The following GALNT3 variants were observed in gnomAD, a reference collection of about 807,000 sequenced individuals.
GALNT3 encodes the protein GalNAc transferase 3.
In GALNT3, 51 loss-of-function variants were observed where a neutral mutation model predicts 69.8. The observed-to-expected ratio is 0.73, with a 90% CI of 0.58 to 0.92. The LOEUF (loss-of-function observed/expected upper bound fraction) is 0.92, where lower values mean the gene tolerates loss of function less well. Among genes scored for constraint, GALNT3 ranks in the 40% least tolerant of loss-of-function variants. GALNT3 has a pLI of 0.00. For synonymous variants in GALNT3, 265 were observed against 248.5 expected (o/e 1.07, Z -0.63); for missense variants, 711 against 760.0 (o/e 0.94, Z 0.76).
intron 1 of GALNT3, among the ~76,000 whole-genome samples, chr2:165,786,941 A>T (rs1351100553): frequency 6.6e-6 from 1 of 152,244 alleles, no homozygotes; most frequent in African/African-American, 2.4e-5. Flanking sequence ...ACTTATTATG[A>T]GAATAAATAT....
chr2:165,760,053 CCTT>C, intron 4 of GALNT3, among the ~76,000 whole-genome samples: 1 of 152,162 alleles, frequency 6.6e-6, no homozygotes, highest in African/African-American at 2.4e-5. Context: ...CAGATGATGA[CCTT>C]CTTTCTTCTA....
chr2:165,785,917 A>T (rs1237038293), intron 1 of GALNT3, among the ~76,000 whole-genome samples: 2 of 152,322 alleles, frequency 1.3e-5, no homozygotes, highest in Admixed American at 1.3e-4. Context: ...ATATATGGAA[A>T]CACTAAGCCA....
chr2:165,781,367 G>T (rs1303182388), intron 1 of GALNT3, among the ~76,000 whole-genome samples: 2 of 152,110 alleles, frequency 1.3e-5, no homozygotes, highest in African/African-American at 4.8e-5. Context: ...TACTGAGGTA[G>T]GCGAATTGCT....
chr2:165,785,727 G>C (rs1487996766), intron 1 of GALNT3, among the ~76,000 whole-genome samples: 1 of 152,112 alleles, frequency 6.6e-6, no homozygotes, highest in African/African-American at 2.4e-5. Flanking sequence ...GGCTCTATCA[G>C]AGATGTCAGC....
intron 7 of GALNT3, 43 bp downstream of exon 7, chr2:165,757,004 G>A (rs1187566084): frequency 6.8e-7 from 1 of 1,473,586 alleles, no homozygotes; most frequent in Non-Finnish European, 9.5e-7. Flanking sequence ...GTGTGAACTT[G>A]TTATAGATTT....
intron 1 of GALNT3, among the ~76,000 whole-genome samples, 167 bp from the exon 2 acceptor site, chr2:165,770,975 T>C (rs1195761754): frequency 6.6e-6 from 1 of 152,144 alleles, no homozygotes; most frequent in Non-Finnish European, 1.5e-5. Flanking sequence ...TGGAAGAAAA[T>C]AATTGTTACA....
chr2:165,766,919 A>G (rs950891130), intron 2 of GALNT3, among the ~76,000 whole-genome samples: 4 of 152,228 alleles, frequency 2.6e-5, no homozygotes, highest in Admixed American at 2.0e-4. Context: ...GAAGATGTCA[A>G]CAACAGATTA....
intron 7 of GALNT3, among the ~76,000 whole-genome samples, chr2:165,756,031 A>G (rs940436065): frequency 7.9e-5 from 12 of 152,200 alleles, no homozygotes; most frequent in Admixed American, 3.3e-4. Flanking sequence ...ACAGTACACA[A>G]TCTGCCCAAT....
chr2:165,759,635 G>T, intron 4 of GALNT3, 65 bp from the exon 5 acceptor site: 1 of 1,184,944 alleles, frequency 8.4e-7, no homozygotes, highest in African/African-American at 1.5e-5. Flanking sequence ...TAGTTATTTA[G>T]GTGAAGGTTT....
At chr2:165,755,330 TTCCCTACA>T in intron 7 of GALNT3, among the ~76,000 whole-genome samples, 1 of 152,168 alleles carries the variant, frequency 6.6e-6, no homozygotes, top group South Asian at 2.1e-4. Flanking sequence ...GCCACAAACA[TTCCCTACA>T]AGACAAAGAT....
chr2:165,785,004 C>A (rs977651399), intron 1 of GALNT3, among the ~76,000 whole-genome samples: 6 of 152,158 alleles, frequency 3.9e-5, no homozygotes, highest in Admixed American at 3.3e-4. Flanking sequence ...CCCCCTTTCT[C>A]CTTATCTCAT....
chr2:165,753,154 G>A (rs139163316), intron 9 of GALNT3, among the ~76,000 whole-genome samples: 9 of 152,304 alleles, frequency 5.9e-5, no homozygotes, highest in African/African-American at 2.2e-4. Context: ...AAATATAGAA[G>A]AGGATGGACC....
chr2:165,793,590 C>T (rs1200040000), intron 1 of GALNT3: 2 of 152,304 alleles, frequency 1.3e-5, no homozygotes, highest in Non-Finnish European at 2.9e-5. Context: ...CGCGGGATGT[C>T]CTCTCGGGCA....
chr2:165,757,125 G>A lies in GALNT3; in HGVS notation c.1314C>T (p.Arg438=). The A allele has an allele frequency of 6.2e-7, 1 of 1,613,988 alleles. No individual in the cohort carries two copies. The highest frequency in any genetic ancestry group is 8.5e-7 in the Non-Finnish European group (1 of 1,179,960). ...ATTCATCCATCCAGACTTCTGCAAG[G>A]CGAACTTGGTTTCTAGCAATCACCT... is the stretch of plus-strand genomic sequence containing the variant. The part of the protein sequence containing the change: ...GTQVIARNQV[R]LAEVWMDEYK... Residue 438 remains arginine, a synonymous_variant, in exon 7 of 11, where the codon CGC becomes CGT. Coordinates refer to ENST00000392701, the MANE Select transcript of GALNT3 (RefSeq NM_004482.4).
In GALNT3 at chr2:165,770,426, G is replaced by T; in HGVS notation, c.275C>A (p.Ala92Asp). Residue 92 changes from alanine (A) to aspartate (D), a missense_variant, in exon 2 of 11, where the codon GCT becomes GAT. By Grantham distance (126) the Ala-to-Asp change is moderately radical. Coordinates refer to ENST00000392701, the MANE Select transcript of GALNT3 (RefSeq NM_004482.4). ...IGAPVRQNID[A>D]GERPCLQGYY... ...TCCTTGCAAACAAGGTCTCTCACCA[G>T]CATCAATGTTTTGCCTGACAGGTGC... 6.2e-7 allele frequency: 1 copy of T among 1,614,192 alleles called. No individual in the cohort carries two copies. The highest frequency in any genetic ancestry group is 1.7e-5 in the Admixed American group (1 of 60,018).
chr2:165,760,305 G>C lies in GALNT3; in HGVS notation c.839-735C>G, dbSNP rs149653869. 8.5e-3 allele frequency among the ~76,000 whole-genome samples: 1,294 copies of C among 152,258 alleles called. 19 individuals are homozygous for C. The highest frequency in any genetic ancestry group is 0.012 in the South Asian group (59 of 4,824). ...CCGATTTTAGCAACTGGAGAAGAAG[G>C]ACCATTCAAAGCTGCCCCAGACCTA... On this transcript the variant is annotated intron_variant, in intron 4 of 10. Transcript: ENST00000392701.
chr2:165,761,615 T>C, intron 4 of GALNT3: 2 of 542,980 alleles, frequency 3.7e-6, no homozygotes, highest in Middle Eastern at 4.9e-4. Context: ...AAAAGAAACA[T>C]GGAAAAAAAA....
chr2:165,749,919 T>C (rs1234201358), intron 9 of GALNT3, 25 bp from the exon 10 acceptor site: 6 of 1,612,104 alleles, frequency 3.7e-6, no homozygotes, highest in Non-Finnish European at 5.1e-6. Context: ...GCACTGTTAC[T>C]GACAAAAGCA....
At position 165,788,441 on chromosome 2, in the gene GALNT3, G is replaced by A. The variant is rs79366384; in HGVS notation, c.-109+5574C>T. Among the ~76,000 whole-genome samples, 1,178 of 149,780 alleles carry A rather than the reference G, an allele frequency of 7.9e-3. 38 individuals are homozygous for A. Among genetic ancestry groups the A allele is most frequent in the Admixed American group, 0.062 (928 of 14,988 alleles). Reference sequence around the variant, plus strand: ...AAGGCTTAATGGAAAGAGAAATTTTGCATGTTTTGCAAATAATCCAAAAGG... The same window carrying A: ...AAGGCTTAATGGAAAGAGAAATTTTACATGTTTTGCAAATAATCCAAAAGG... On this transcript the variant is annotated intron_variant, in intron 1 of 10. Transcript: ENST00000392701.
Sources: gnomAD v4.1 joint callset for allele counts (sites outside exome capture counted in the v4.1 genomes callset) on GRCh38, gnomAD v4.1.1 for gene constraint, MANE v1.5 for transcripts, NCBI Gene and HGNC (gene_info 2026-07-23, HGNC 2026-07-21) for gene names.